Variants in GPC6 observed in about 807,000 individuals in gnomAD.
The protein encoded by GPC6 is glypican 6, also known as glypican-6.
In GPC6, 14 loss-of-function variants were observed where a neutral mutation model predicts 55.2. The ratio of observed to expected loss-of-function variants is 0.25; its 90% CI spans 0.17 to 0.40. GPC6 has a LOEUF of 0.40. GPC6 is among the 10% of genes least tolerant of loss of function. The probability of loss-of-function intolerance (pLI) is 1.00; values close to 1 mark genes in which losing one functional copy is unlikely to be tolerated. For synonymous variants in GPC6, 278 were observed against 259.6 expected, an observed-to-expected ratio of 1.07 and a Z score of -0.68; for missense variants, 641 against 708.5, an observed-to-expected ratio of 0.90 and a Z score of 1.08.
intron 3 of GPC6, among the ~76,000 whole-genome samples, chr13:93,842,447 A>G (rs1050765635): frequency 6.6e-6 from 1 of 152,172 alleles, no homozygotes; most frequent in African/African-American, 2.4e-5. Flanking sequence ...TGGAAGATAG[A>G]ATCCAGATTG....
intron 1 of GPC6, among the ~76,000 whole-genome samples, chr13:93,228,208 C>G (rs2138996926): frequency 6.6e-6 from 1 of 152,308 alleles, no homozygotes; most frequent in Middle Eastern, 3.4e-3. Context: ...GACCTGGCCT[C>G]TGGACGCCGG....
intron 2 of GPC6, among the ~76,000 whole-genome samples, chr13:93,716,910 G>C (rs189439197): frequency 1.3e-5 from 2 of 151,674 alleles, no homozygotes; most frequent in Non-Finnish European, 3.0e-5. Context: ...TCTTTTCTGT[G>C]TCTGGATGCA....
chr13:93,946,822 C>A (rs575269157), intron 3 of GPC6, among the ~76,000 whole-genome samples: 1 of 152,244 alleles, frequency 6.6e-6, no homozygotes, highest in South Asian at 2.1e-4. Flanking sequence ...TTACTTTTTT[C>A]CAGCTTATTA....
At chr13:94,312,794 A>G (rs17175231) in intron 6 of GPC6, among the ~76,000 whole-genome samples, 19,748 of 152,148 alleles carry the variant, frequency 0.13, 2,363 homozygotes, top group East Asian at 0.63. Flanking sequence ...TAAAACCTCA[A>G]TAACAACAGT....
chr13:94,281,258 G>T (rs1249288579), intron 4 of GPC6, among the ~76,000 whole-genome samples: 10 of 152,030 alleles, frequency 6.6e-5, no homozygotes, highest in African/African-American at 1.9e-4. Context: ...GTATACATGT[G>T]CCATGGTGGT....
At chr13:93,471,773 T>C (rs531813595) in intron 1 of GPC6, among the ~76,000 whole-genome samples, 4 of 152,292 alleles carry the variant, frequency 2.6e-5, no homozygotes, top group African/African-American at 7.2e-5. Context: ...AAGTGCATTG[T>C]TGTTAGTTTT....
At chr13:94,184,096 C>A (rs1217887397) in intron 4 of GPC6, among the ~76,000 whole-genome samples, 1 of 152,092 alleles carries the variant, frequency 6.6e-6, no homozygotes, top group Non-Finnish European at 1.5e-5. Flanking sequence ...GGCCAACAAC[C>A]TTTACCTTTC....
intron 2 of GPC6, among the ~76,000 whole-genome samples, chr13:93,591,168 A>G (rs995924270): frequency 4.5e-4 from 69 of 151,874 alleles, no homozygotes; most frequent in Non-Finnish European, 6.3e-4. Flanking sequence ...AGAAAAAAAA[A>G]AAAGGAAATC....
chr13:94,096,985 G>C (rs1309046550), intron 4 of GPC6, among the ~76,000 whole-genome samples: 1 of 115,240 alleles, frequency 8.7e-6, no homozygotes, highest in Non-Finnish European at 1.9e-5. Flanking sequence ...TGATTCATTT[G>C]ATAAATATGT....
At chr13:93,776,068 TG>T (rs1594447116) in intron 2 of GPC6, among the ~76,000 whole-genome samples, 1 of 18,562 alleles carries the variant, frequency 5.4e-5, no homozygotes. Flanking sequence ...TTTCTTTTTT[TG>T]GGGGGTGGGG....
At chr13:93,234,687 T>A (rs564515603) in intron 1 of GPC6, among the ~76,000 whole-genome samples, 12 of 148,960 alleles carry the variant, frequency 8.1e-5, no homozygotes, top group South Asian at 6.4e-4. Flanking sequence ...TGTGTGTGTG[T>A]GAGAGAGAGA....
chr13:93,304,875 CT>C (rs1291461136), intron 1 of GPC6, among the ~76,000 whole-genome samples: 2 of 152,176 alleles, frequency 1.3e-5, no homozygotes, highest in African/African-American at 4.8e-5. Flanking sequence ...AAGAGGGAGT[CT>C]TTGTCTATAC....
chr13:93,694,944 A>C (rs955050931), intron 2 of GPC6, among the ~76,000 whole-genome samples: 6 of 152,112 alleles, frequency 3.9e-5, no homozygotes, highest in Non-Finnish European at 8.8e-5. Flanking sequence ...TGTTCTGGAA[A>C]ATGATGAAAA....
rs1566536813 is a variant in GPC6 at position 93,789,614 on chromosome 13, T to TATATATATATAATACTAC, written c.320-40529_320-40528insATACTACATATATATATA. The stretch of plus-strand genomic sequence containing the variant: ...ATAATACTACATATATATATATATA[T>TATATATATATAATACTAC]ATATATATATATATATATATATATA... On this transcript the variant is annotated intron_variant, in intron 2 of 8. Transcript: ENST00000377047. 1.2e-3 allele frequency among the ~76,000 whole-genome samples: 46 copies of TATATATATATAATACTAC among 39,386 alleles called. 1 individual carries two copies. The highest frequency in any genetic ancestry group is 4.8e-3 in the African/African-American group (42 of 8,838). The allele number at this position is 39,386 out of a possible 152,430, so 25.8% of individuals were successfully genotyped here. A position where few individuals can be genotyped will look rare whatever the true frequency, so the allele number is the denominator to read the frequency against.
At chr13:93,291,290 A>G (rs2139080424) in intron 1 of GPC6, among the ~76,000 whole-genome samples, 1 of 152,270 alleles carries the variant, frequency 6.6e-6, no homozygotes, top group South Asian at 2.1e-4. Context: ...GTATGAGTCA[A>G]GTGACAGAGC....
intron 4 of GPC6, among the ~76,000 whole-genome samples, chr13:94,181,122 G>A (rs949225919): frequency 3.3e-5 from 5 of 152,246 alleles, no homozygotes; most frequent in Non-Finnish European, 5.9e-5. Context: ...CTCATCAATC[G>A]TATTTCCCCC....
intron 3 of GPC6, among the ~76,000 whole-genome samples, chr13:93,916,197 A>G (rs1401489553): frequency 3.3e-5 from 5 of 152,090 alleles, no homozygotes; most frequent in Non-Finnish European, 5.9e-5. Flanking sequence ...TTGATTCCTC[A>G]GTCGCCTTGC....
In GPC6 at chr13:93,366,116, T is replaced by G. The variant is rs554334057; in HGVS notation, c.160+138500T>G. 4.6e-5 allele frequency among the ~76,000 whole-genome samples: 7 copies of G among 152,218 alleles called. 1 individual carries two copies. The highest frequency in any genetic ancestry group is 1.3e-4 in the Admixed American group (2 of 15,262). On this transcript the variant is annotated intron_variant, in intron 1 of 8. Transcript: ENST00000377047. ...ATGCAGCAGAACACAATTTGTGGTC[T>G]ACTGAATCCCCTTGTAATTATGCTC... is the stretch of plus-strand genomic sequence containing the variant.
intron 4 of GPC6, among the ~76,000 whole-genome samples, chr13:94,079,451 T>A: frequency 6.6e-6 from 1 of 152,150 alleles, no homozygotes; most frequent in East Asian, 1.9e-4. Context: ...AATAGATCCA[T>A]ATTGAAGGTG....
Sources: gnomAD v4.1 joint callset for allele counts (sites outside exome capture counted in the v4.1 genomes callset) on GRCh38, gnomAD v4.1.1 for gene constraint, MANE v1.5 for transcripts, NCBI Gene and HGNC (gene_info 2026-07-23, HGNC 2026-07-21) for gene names.